MUSK: variants seen among roughly 807,000 people sequenced by gnomAD.
MUSK encodes the protein muscle, skeletal receptor tyrosine-protein kinase.
MUSK carries 55 observed loss-of-function variants against 88.7 expected under a neutral mutation model. That is an observed-to-expected ratio of 0.62 (90% CI 0.50 to 0.78). The LOEUF (loss-of-function observed/expected upper bound fraction) is 0.78, where lower values mean the gene tolerates loss of function less well. MUSK is among the 30% of genes least tolerant of loss of function. The pLI is 0.00. For missense variants in MUSK, 1,015 were observed against 1,074.3 expected (o/e 0.94, Z 0.77); for synonymous variants, 387 against 391.9 (o/e 0.99, Z 0.15).
chr9:110,675,215 C>CTTTTTTTTTT (rs386415865), intron 1 of MUSK, among the ~76,000 whole-genome samples: 1 of 88,346 alleles, frequency 1.1e-5, no homozygotes, highest in Non-Finnish European at 2.1e-5. Context: ...CACATTGCCT[C>CTTTTTTTTTT]TTTTTTTTTT....
intron 5 of MUSK, among the ~76,000 whole-genome samples, chr9:110,704,443 T>C (rs2076570608): frequency 6.6e-6 from 1 of 152,240 alleles, no homozygotes; most frequent in South Asian, 2.1e-4. Context: ...GCTTGATTAT[T>C]AGTTATTATA....
intron 14 of MUSK, among the ~76,000 whole-genome samples, chr9:110,788,583 G>T (rs1212510391): frequency 6.6e-6 from 1 of 151,264 alleles, no homozygotes; most frequent in African/African-American, 2.4e-5. Context: ...AGTAAGCCAA[G>T]ATTGCACCAC....
chr9:110,673,648 C>G (rs958565436), intron 1 of MUSK, among the ~76,000 whole-genome samples: 5 of 152,080 alleles, frequency 3.3e-5, no homozygotes, highest in Admixed American at 1.3e-4. Context: ...TAACTGATCT[C>G]AACAGTTCAT....
chr9:110,690,081 T>TATTATATAAGTATAAATATAG (rs2076304228), intron 3 of MUSK, among the ~76,000 whole-genome samples: 1 of 93,654 alleles, frequency 1.1e-5, no homozygotes, highest in Non-Finnish European at 1.8e-5. Flanking sequence ...TATAAATATA[T>TATTATATAAGTATAAATATAG]AAATATATAT....
At chr9:110,679,087 A>C (rs941071939) in intron 1 of MUSK, among the ~76,000 whole-genome samples, 7 of 152,058 alleles carry the variant, frequency 4.6e-5, no homozygotes, top group African/African-American at 1.4e-4. Flanking sequence ...TCATTGTTTT[A>C]TAAATGTACA....
chr9:110,693,186 C>A (rs574710792), intron 3 of MUSK, among the ~76,000 whole-genome samples: 25 of 152,172 alleles, frequency 1.6e-4, no homozygotes, highest in Non-Finnish European at 3.2e-4. Flanking sequence ...TGTGACACTA[C>A]CTTTCTTTTG....
intron 1 of MUSK, among the ~76,000 whole-genome samples, chr9:110,671,849 G>C (rs559038605): frequency 1.3e-5 from 2 of 152,264 alleles, no homozygotes; most frequent in African/African-American, 4.8e-5. Context: ...AAGCAGCTCT[G>C]GATTTGCTTA....
intron 5 of MUSK, among the ~76,000 whole-genome samples, chr9:110,732,128 G>T (rs756965098): frequency 2.5e-4 from 38 of 152,032 alleles, no homozygotes; most frequent in Non-Finnish European, 5.1e-4. Context: ...AATGTTACTA[G>T]AACAGTTTTC....
rs368896303 is a variant in MUSK, at chr9:110,774,866, TACAC to T, written c.1185-899_1185-896del. On this transcript the variant is annotated intron_variant, in intron 9 of 14. Transcript: ENST00000374448. ...AAAAGACACCATTGTGGCATATATATACACACACACACACACACACACACACTCT... is the reference window on the plus strand; with the variant it reads ...AAAAGACACCATTGTGGCATATATATACACACACACACACACACACACTCT... 2.3e-4 allele frequency among the ~76,000 whole-genome samples: 32 copies of T among 138,932 alleles called. 1 individual carries two copies. The highest frequency in any genetic ancestry group is 6.0e-4 in the Admixed American group (8 of 13,416). 91.1% of individuals were successfully genotyped at this position (138,932 alleles called of 152,430 possible). A position where few individuals can be genotyped will look rare whatever the true frequency, so the allele number is the denominator to read the frequency against.
intron 8 of MUSK, among the ~76,000 whole-genome samples, chr9:110,766,011 C>A (rs1444530568): frequency 3.9e-5 from 6 of 152,242 alleles, no homozygotes; most frequent in Admixed American, 3.9e-4. Flanking sequence ...AGATTTTTCT[C>A]AGCCCCTCTG....
chr9:110,799,552 A>G (rs1399540221), intron 14 of MUSK, among the ~76,000 whole-genome samples: 2 of 152,196 alleles, frequency 1.3e-5, no homozygotes, highest in Non-Finnish European at 2.9e-5. Context: ...AACATCCTTC[A>G]TAGAAGTAAA....
rs201791900 is a variant in MUSK at position 110,767,956 on chromosome 9, C to A, written c.1057C>A (p.His353Asn). The change falls in exon 9 of 15, where the codon CAC becomes AAC. Residue 353 changes from histidine (H) to asparagine (N), a missense_variant. By Grantham distance (68) the His-to-Asn change is moderately conservative (BLOSUM62 1). Coordinates refer to ENST00000374448, the MANE Select transcript of MUSK (RefSeq NM_005592.4). Reference protein sequence around the residue: ...DPEEAQELLVHTAWNELKVVS... With the variant: ...DPEEAQELLVNTAWNELKVVS... ...TGAGGAGGCCCAAGAGCTACTGGTC[C>A]ACACGGCCTGGAATGAACTGAAAGT... 119 of 1,613,792 alleles carry A rather than the reference C, an allele frequency of 7.4e-5. No homozygotes were observed. The African/African-American group carries it at 1.2e-3, about 16-fold the overall frequency.
intron 13 of MUSK, 74 bp downstream of exon 13, chr9:110,785,792 G>A: frequency 2.9e-6 from 3 of 1,022,142 alleles, no homozygotes; most frequent in African/African-American, 1.7e-5. Context: ...TATTAGCTTG[G>A]TATATATATA....
At chr9:110,764,580 A>T (rs1248036039) in intron 8 of MUSK, among the ~76,000 whole-genome samples, 2 of 149,662 alleles carry the variant, frequency 1.3e-5, no homozygotes, top group Non-Finnish European at 3.0e-5. Flanking sequence ...ATATATATAA[A>T]TTTAGATAGA....
intron 14 of MUSK, among the ~76,000 whole-genome samples, chr9:110,789,536 T>C (rs769929476): frequency 1.6e-4 from 25 of 152,204 alleles, no homozygotes; most frequent in Non-Finnish European, 5.9e-5. Context: ...TTCAACACTT[T>C]GTGAGGCCGA....
In MUSK at chr9:110,802,806, C is replaced by T. The variant is rs761945712; in HGVS notation, c.*1818C>T. 2.3e-4 allele frequency among the ~76,000 whole-genome samples: 35 copies of T among 152,142 alleles called. No individual in the cohort carries two copies. The highest frequency in any genetic ancestry group is 4.3e-4 in the Non-Finnish European group (29 of 68,040). ...TCTGTAGGATACAACGACAGTAAGG[C>T]GGTCCTTAGTCACAGTTCTGGTTCA... On this transcript the variant is annotated 3_prime_UTR_variant, in exon 15 of 15. Coordinates refer to ENST00000374448, the MANE Select transcript of MUSK (RefSeq NM_005592.4).
At chr9:110,678,641 C>A (rs1183844258) in intron 1 of MUSK, among the ~76,000 whole-genome samples, 2 of 151,926 alleles carry the variant, frequency 1.3e-5, no homozygotes, top group African/African-American at 2.4e-5. Flanking sequence ...ATTCTTAATT[C>A]TTTAGATTTT....
At chr9:110,672,278 G>GT (rs745959078) in intron 1 of MUSK, among the ~76,000 whole-genome samples, 9 of 152,206 alleles carry the variant, frequency 5.9e-5, no homozygotes, top group Non-Finnish European at 1.0e-4. Context: ...TTGAAGGAGA[G>GT]TAACAAGTGA....
At position 110,737,341 on chromosome 9, in the gene MUSK, T is replaced by C. The variant is rs150308866; in HGVS notation, c.753+2966T>C. Among the ~76,000 whole-genome samples, 483 of 151,138 alleles carry C rather than the reference T, an allele frequency of 3.2e-3. 4 individuals are homozygous for C. The highest frequency in any genetic ancestry group is 0.011 in the African/African-American group (430 of 40,846). On this transcript the variant is annotated intron_variant, in intron 6 of 14. Coordinates refer to ENST00000374448, the MANE Select transcript of MUSK (RefSeq NM_005592.4). ...TTGATAATTATTTTTAATATAAATA[T>C]ATTTTAAAATCAATAAAACACTTCA...
Sources: gnomAD v4.1 joint callset for allele counts (sites outside exome capture counted in the v4.1 genomes callset) on GRCh38, gnomAD v4.1.1 for gene constraint, MANE v1.5 for transcripts, NCBI Gene and HGNC (gene_info 2026-07-23, HGNC 2026-07-21) for gene names.